KPNB1: variants seen among roughly 807,000 people sequenced by gnomAD.
KPNB1 encodes the protein importin subunit beta-1.
In KPNB1, 7 loss-of-function variants were observed where a neutral mutation model predicts 113.0. The observed-to-expected ratio is 0.06, with a 90% confidence interval of 0.04 to 0.12. The LOEUF is 0.12. Among genes scored for constraint, KPNB1 ranks in the 10% least tolerant of loss-of-function variants. The pLI, the probability that KPNB1 is intolerant of heterozygous loss-of-function variation, is 1.00. For synonymous variants in KPNB1, 363 were observed against 378.6 expected (o/e 0.96, Z 0.48); for missense variants, 400 against 1,054.8 (o/e 0.38, Z 8.60).
At chr17:47,675,372 G>GTTTTTTTTTTTTTTT (rs755565036) in intron 15 of KPNB1, among the ~76,000 whole-genome samples, 7 of 86,074 alleles carry the variant, frequency 8.1e-5, no homozygotes, top group African/African-American at 1.0e-4. Flanking sequence ...TTTTTTTTTT[G>GTTTTTTTTTTTTTTT]TTTTTTTTTT....
chr17:47,681,376 C>T (rs1012756286), intron 21 of KPNB1, among the ~76,000 whole-genome samples: 1 of 149,230 alleles, frequency 6.7e-6, no homozygotes, highest in South Asian at 2.1e-4. Flanking sequence ...TCAAGCAGTT[C>T]TCTGCCTCAG....
intron 11 of KPNB1, 58 bp downstream of exon 11, chr17:47,669,927 TAGA>T (rs979015346): frequency 1.6e-6 from 2 of 1,279,060 alleles, no homozygotes; most frequent in African/African-American, 1.5e-5. Flanking sequence ...GGCAAGAAAG[TAGA>T]AGGTGTGGGA....
chr17:47,665,533 C>T (rs945432329), intron 9 of KPNB1, among the ~76,000 whole-genome samples: 1 of 152,172 alleles, frequency 6.6e-6, no homozygotes, highest in South Asian at 2.1e-4. Flanking sequence ...AGGATACTTT[C>T]GTGAGTTCAC....
intron 3 of KPNB1, among the ~76,000 whole-genome samples, chr17:47,653,196 T>C (rs1915626798): frequency 6.6e-6 from 1 of 151,898 alleles, no homozygotes; most frequent in African/African-American, 2.4e-5. Context: ...GTATAAAAAT[T>C]AGGGAATTTG....
chr17:47,680,593 A>C lies in KPNB1; in HGVS notation c.2554A>C (p.Arg852=), dbSNP rs1291946539. The change falls in exon 21 of 22, where the codon AGA becomes CGA. Residue 852 remains arginine (R), a synonymous_variant. Coordinates refer to ENST00000290158, the MANE Select transcript of KPNB1 (RefSeq NM_002265.6). ...MIHELLTEGR[R]SKTNKAKTLA... ...CCATGAATTGTTAACTGAAGGGCGG[A>C]GATCGAAGACTAACAAAGCAAAAAC... is the stretch of plus-strand genomic sequence containing the variant. 6.2e-7 allele frequency: 1 copy of C among 1,614,202 alleles called. No individual in the cohort carries two copies. Among genetic ancestry groups the C allele is most frequent in the Non-Finnish European group, 8.5e-7 (1 of 1,180,010 alleles).
chr17:47,657,488 C>T (rs1299935410), intron 4 of KPNB1, among the ~76,000 whole-genome samples: 2 of 152,188 alleles, frequency 1.3e-5, no homozygotes, highest in Non-Finnish European at 2.9e-5. Flanking sequence ...GTAGCCCCCC[C>T]AGCACTGTTG....
At chr17:47,668,017 C>G (rs1310790902) in intron 9 of KPNB1, among the ~76,000 whole-genome samples, 169 bp from the exon 10 acceptor site, 1 of 152,136 alleles carries the variant, frequency 6.6e-6, no homozygotes, top group African/African-American at 2.4e-5. Flanking sequence ...TCTTGTTTAA[C>G]AAAGGCTATG....
chr17:47,670,475 C>G, intron 11 of KPNB1: 1 of 377,872 alleles, frequency 2.6e-6, no homozygotes, highest in Non-Finnish European at 4.9e-6. Flanking sequence ...TGAAAGTACT[C>G]TGCTGCTTAG....
At chr17:47,675,361 GTTTT>G (rs1166648701) in intron 15 of KPNB1, among the ~76,000 whole-genome samples, 4 of 88,690 alleles carry the variant, frequency 4.5e-5, no homozygotes, top group African/African-American at 1.4e-4. Context: ...CAGAGGTGTT[GTTTT>G]TTTTTTGTTT....
intron 9 of KPNB1, among the ~76,000 whole-genome samples, chr17:47,666,338 C>T (rs2030267977): frequency 6.6e-6 from 1 of 151,012 alleles, no homozygotes; most frequent in South Asian, 2.1e-4. Flanking sequence ...TAGGCGTGAG[C>T]CACTGTGCCT....
chr17:47,659,452 T>G (rs1483759126), intron 5 of KPNB1, among the ~76,000 whole-genome samples: 1 of 152,210 alleles, frequency 6.6e-6, no homozygotes, highest in Non-Finnish European at 1.5e-5. Context: ...TTTTGCCTTG[T>G]ACTAAAGATT....
intron 9 of KPNB1, 23 bp downstream of exon 9, chr17:47,665,181 G>A (rs1271243493): frequency 3.2e-6 from 5 of 1,568,438 alleles, no homozygotes; most frequent in South Asian, 1.1e-5. Flanking sequence ...CCAAATATAG[G>A]TAGGTAAGCT....
chr17:47,673,854 C>G, intron 14 of KPNB1: 1 of 327,328 alleles, frequency 3.1e-6, no homozygotes, highest in South Asian at 5.7e-5. Context: ...CCTCAGACCT[C>G]TCTTCCTCAC....
chr17:47,652,041 C>T (rs1439281811), intron 2 of KPNB1, among the ~76,000 whole-genome samples: 3 of 152,046 alleles, frequency 2.0e-5, no homozygotes, highest in African/African-American at 4.8e-5. Flanking sequence ...ATCACTTTTC[C>T]TTATAAATCT....
rs1262494530 is a variant in KPNB1, at chr17:47,684,397, T to C, written c.*1993T>C. ...TGAAGGAGAGACGCTCCATTGTGAA[T>C]AAAGAGCTCATACCAGCTCCTAAGC... On this transcript the variant is annotated 3_prime_UTR_variant, in exon 22 of 22. Coordinates refer to ENST00000290158, the MANE Select transcript of KPNB1 (RefSeq NM_002265.6). 1 of 151,896 alleles carries C rather than the reference T, an allele frequency of 6.6e-6. No individual in the cohort carries two copies. Among genetic ancestry groups the C allele is most frequent in the Non-Finnish European group, 1.5e-5 (1 of 68,000 alleles). The allele number at this position is 151,896 out of a possible 1,614,324, so 9.4% of individuals were successfully genotyped here.
chr17:47,655,256 G>A (rs1915686214), intron 3 of KPNB1, among the ~76,000 whole-genome samples: 1 of 152,196 alleles, frequency 6.6e-6, no homozygotes, highest in South Asian at 2.1e-4. Context: ...GTCAATTGTG[G>A]CTTCATCTTT....
In KPNB1 at chr17:47,661,175, G is replaced by A. The variant is rs768683824; in HGVS notation, c.693G>A (p.Thr231=). 7 of 1,610,520 alleles carry A rather than the reference G, an allele frequency of 4.3e-6. No homozygotes were observed. The highest frequency in any genetic ancestry group is 3.3e-5 in the South Asian group (3 of 91,014). Residue 231 remains threonine, a synonymous_variant, in exon 6 of 22, where the codon ACG becomes ACA. Coordinates refer to ENST00000290158, the MANE Select transcript of KPNB1 (RefSeq NM_002265.6). Reference sequence around the variant, plus strand: ...GTGAAGCCACACAGTGTCCAGATACGAGGGTAAGTGTGAGGTTATATGAAA... The same window carrying A: ...GTGAAGCCACACAGTGTCCAGATACAAGGGTAAGTGTGAGGTTATATGAAA... The part of the protein sequence containing the change: ...VVCEATQCPD[T]RVRVAALQNL...
In KPNB1 at chr17:47,684,553, A is replaced by G. The variant is rs2030887058; in HGVS notation, c.*2149A>G. ...GGTCAGGGCTTAGGGAGGGGGCAGA[A>G]ATATTGGGGATAGAAAAAAAATCTG... On this transcript the variant is annotated 3_prime_UTR_variant, in exon 22 of 22. Transcript: ENST00000290158. 6.6e-6 allele frequency: 1 copy of G among 152,388 alleles called. No individual in the cohort carries two copies. Among genetic ancestry groups the G allele is most frequent in the Non-Finnish European group, 1.5e-5 (1 of 68,002 alleles). 9.4% of individuals were successfully genotyped at this position (152,388 alleles called of 1,614,324 possible).
intron 19 of KPNB1, 132 bp from the exon 20 acceptor site, chr17:47,679,888 G>A (rs868123926): frequency 9.7e-6 from 6 of 618,922 alleles, no homozygotes; most frequent in Admixed American, 5.2e-5. Context: ...TAGTAGAGAC[G>A]GGGTTTCACC....
Sources: allele counts gnomAD v4.1 joint callset (sites outside exome capture counted in the v4.1 genomes callset), GRCh38; gene constraint gnomAD v4.1.1; transcripts MANE v1.5; gene names NCBI Gene and HGNC (gene_info 2026-07-23, HGNC 2026-07-21).